Variants in MPHOSPH9 observed in about 807,000 individuals in gnomAD.
The protein encoded by MPHOSPH9 is M-phase phosphoprotein 9.
In MPHOSPH9, 88 loss-of-function variants were observed where a neutral mutation model predicts 145.5. The observed-to-expected ratio is 0.60, with a 90% CI of 0.51 to 0.72. The LOEUF (loss-of-function observed/expected upper bound fraction) is 0.72. Among genes scored for constraint, MPHOSPH9 ranks in the 30% least tolerant of loss-of-function variants. MPHOSPH9 has a pLI of 0.00. For synonymous variants in MPHOSPH9, 435 were observed against 486.2 expected (o/e 0.89, Z 1.39); for missense variants, 1,238 against 1,386.6 (o/e 0.89, Z 1.70).
Position 123,156,827 on chromosome 12 carries a change from G to A in MPHOSPH9, c.3532C>T (p.Arg1178Cys), listed in dbSNP as rs766039097. 8.1e-6 allele frequency: 13 copies of A among 1,610,916 alleles called. No individual in the cohort carries two copies. The highest frequency in any genetic ancestry group is 1.1e-5 in the South Asian group (1 of 90,830). Residue 1178 changes from arginine (R) to cysteine (C), a missense_variant, in exon 24 of 24, where the codon CGC becomes TGC. By Grantham distance (180) the Arg-to-Cys change is radical (BLOSUM62 -3). This residue lies in a region of MPHOSPH9 where 393 missense variants were observed against 462.5 expected (regional missense o/e 0.85). Transcript: ENST00000606320. ...AAATCTCAAAGATTTGCAGAGGTGC[G>A]CAAAACATGGAATTTCTTTAGCGTC... ...RMTLKKFHVL[R>C]TSANL is the part of the protein sequence containing the mutation.
Position 123,176,694 on chromosome 12 carries a change from C to G in MPHOSPH9, c.2450G>C (p.Arg817Pro). 3 of 1,611,894 alleles carry G rather than the reference C, an allele frequency of 1.9e-6. No individual in the cohort carries two copies. Among genetic ancestry groups the G allele is most frequent in the Non-Finnish European group, 2.5e-6 (3 of 1,178,192 alleles). ...AGTAAATGAAATAACTTACTTGGCA[C>G]GCGAGGGTCTCACGTGAATTCTAGA... ...HNSRIHVRPS[R>P]ANTLATSDVS... The change falls in exon 16 of 24, where the codon CGT becomes CCT. Residue 817 changes from arginine (R) to proline (P), a missense_variant. Coordinates refer to ENST00000606320, the MANE Select transcript of MPHOSPH9 (RefSeq NM_022782.4).
chr12:123,185,433 T>C (rs1354687146), intron 13 of MPHOSPH9, among the ~76,000 whole-genome samples: 1 of 151,650 alleles, frequency 6.6e-6, no homozygotes, highest in Non-Finnish European at 1.5e-5. Context: ...TAGAAAGGAA[T>C]GAGAAACATG....
intron 1 of MPHOSPH9, chr12:123,240,766 C>T (rs1317935092): frequency 8.0e-6 from 1 of 124,808 alleles, no homozygotes; most frequent in African/African-American, 3.0e-5. Context: ...AAAAGTCTCA[C>T]TCTGTACCCC....
At chr12:123,222,306 C>T (rs2047236004) in intron 4 of MPHOSPH9, among the ~76,000 whole-genome samples, 1 of 145,014 alleles carries the variant, frequency 6.9e-6, no homozygotes, top group South Asian at 2.2e-4. Context: ...GCCTGGGTGA[C>T]AGAGTGAGAC....
In MPHOSPH9 at chr12:123,154,382, C is replaced by T. The variant is rs1321279143; in HGVS notation, c.*2425G>A. The stretch of plus-strand genomic sequence containing the variant: ...TGAGTGTTCATAAGATAAGCATTAC[C>T]GAAGAGAAAGACAGCAGAAAGAACT... On this transcript the variant is annotated 3_prime_UTR_variant, in exon 24 of 24. Transcript: ENST00000606320. The T allele has an allele frequency of 1.3e-5, 2 of 151,958 alleles. No homozygotes were observed. Among genetic ancestry groups the T allele is most frequent in the African/African-American group, 4.8e-5 (2 of 41,370 alleles). 9.4% of individuals were successfully genotyped at this position (151,958 alleles called of 1,614,324 possible).
In MPHOSPH9 at chr12:123,233,109, TG is replaced by T. The variant is rs2047744910; in HGVS notation, c.-194del. On this transcript the variant is annotated 5_prime_UTR_variant, in exon 1 of 24. Coordinates refer to ENST00000606320, the MANE Select transcript of MPHOSPH9 (RefSeq NM_022782.4). The stretch of plus-strand genomic sequence containing the variant: ...GCTCCCGCTGCCGATGTCAGGGTCA[TG>T]CAAGCGGCCTCTCGCGACCGTTACC... 1.3e-5 allele frequency: 2 copies of T among 151,512 alleles called. No individual in the cohort carries two copies. The allele number at this position is 151,512 out of a possible 1,614,324, so 9.4% of individuals were successfully genotyped here.
At chr12:123,206,882 C>G (rs960723122) in intron 8 of MPHOSPH9, among the ~76,000 whole-genome samples, 2 of 150,758 alleles carry the variant, frequency 1.3e-5, no homozygotes, top group Non-Finnish European at 2.9e-5. Context: ...CCACTGCACT[C>G]CAGCCTGGCA....
Position 123,214,815 on chromosome 12 carries a change from G to A in MPHOSPH9, c.1016C>T (p.Thr339Ile). ...ACTGAGGTAAAAAGCACGAGGATGT[G>A]TAGCAGCAGCAAAATCAGACTACAA... ...PIEKSDFAAA[T>I]HPRAFYLSKP... The change falls in exon 7 of 24, where the codon ACA (threonine) becomes ATA (isoleucine). Residue 339 changes from threonine (T) to isoleucine (I), a missense_variant. Around this residue, in one of 3 missense-constraint regions of MPHOSPH9, gnomAD observed 837 missense variants for 897.5 expected, o/e 0.93. Transcript: ENST00000606320. 6.2e-7 allele frequency: 1 copy of A among 1,613,244 alleles called. No homozygotes were observed. The highest frequency in any genetic ancestry group is 2.2e-5 in the East Asian group (1 of 44,866).
chr12:123,217,373 T>C (rs2047013938), intron 6 of MPHOSPH9, among the ~76,000 whole-genome samples: 1 of 151,998 alleles, frequency 6.6e-6, no homozygotes, highest in Admixed American at 6.6e-5. Flanking sequence ...AAGTTTTGTA[T>C]TTTTAGTTAG....
chr12:123,158,835 C>T (rs1158072313), intron 23 of MPHOSPH9, among the ~76,000 whole-genome samples: 1 of 152,134 alleles, frequency 6.6e-6, no homozygotes, highest in Non-Finnish European at 1.5e-5. Flanking sequence ...TTCACCACAT[C>T]GGCCAGGCCG....
In MPHOSPH9 at chr12:123,221,638, A is replaced by G. The variant is rs1485728529; in HGVS notation, c.606T>C (p.Phe202=). The change falls in exon 5 of 24, where the codon TTT becomes TTC. Residue 202 remains phenylalanine, a synonymous_variant. Transcript: ENST00000606320. The stretch of plus-strand genomic sequence containing the variant: ...TGTACAGATTTAATTCTGAGATACA[A>G]AAGGTGCCATATCCACTGCTTACTG... ...SCSVSSGYGT[F]CISELNLYKS... is the part of the protein sequence containing the mutation. 6.2e-7 allele frequency: 1 copy of G among 1,614,186 alleles called. No homozygotes were observed. The highest frequency in any genetic ancestry group is 8.5e-7 in the Non-Finnish European group (1 of 1,180,030).
chr12:123,159,084 C>T lies in MPHOSPH9; in HGVS notation c.3450+1697G>A, dbSNP rs1489641364. ...CCAGCCTGGTGACACAGCGAGACTCCGTCTCCAAACTAGATAAATAAAAGA... is the reference window on the plus strand; with the variant it reads ...CCAGCCTGGTGACACAGCGAGACTCTGTCTCCAAACTAGATAAATAAAAGA... On this transcript the variant is annotated intron_variant, in intron 23 of 23. Coordinates refer to ENST00000606320, the MANE Select transcript of MPHOSPH9 (RefSeq NM_022782.4). The surrounding 1 kb of genome is among the most constrained non-coding windows in gnomAD (Gnocchi z 4.3). Among the ~76,000 whole-genome samples, 1 of 152,168 alleles carries T rather than the reference C, an allele frequency of 6.6e-6. No homozygotes were observed. Among genetic ancestry groups the T allele is most frequent in the African/African-American group, 2.4e-5 (1 of 41,448 alleles).
Position 123,207,443 on chromosome 12 carries a change from C to T in MPHOSPH9, c.1194+2613G>A, listed in dbSNP as rs1440756567. Among the ~76,000 whole-genome samples the T allele has an allele frequency of 2.6e-5, 4 of 152,274 alleles. No homozygotes were observed. In the South Asian group the frequency reaches 8.3e-4, roughly 32 times the overall value. On this transcript the variant is annotated intron_variant, in intron 8 of 23. Coordinates refer to ENST00000606320, the MANE Select transcript of MPHOSPH9 (RefSeq NM_022782.4). Reference sequence around the variant, plus strand: ...GGTTTCCGTCACTGAGACTCTGATGCTTACAAGTACATTGCCCCATCTGTC... The same window carrying T: ...GGTTTCCGTCACTGAGACTCTGATGTTTACAAGTACATTGCCCCATCTGTC...
rs367751856 is a variant in MPHOSPH9 at position 123,202,611 on chromosome 12, C to T, written c.1781+13G>A. The T allele has an allele frequency of 1.9e-6, 3 of 1,599,100 alleles. No individual in the cohort carries two copies. Among genetic ancestry groups the T allele is most frequent in the African/African-American group, 2.7e-5 (2 of 74,564 alleles). ...ATCTATTAACATTACAAGCCATTCA[C>T]TGAAATACATACTTAGACAATATCA... On this transcript the variant is annotated intron_variant, in intron 10 of 23. Transcript: ENST00000606320.
chr12:123,168,177 C>T, intron 16 of MPHOSPH9, among the ~76,000 whole-genome samples: 1 of 152,058 alleles, frequency 6.6e-6, no homozygotes, highest in East Asian at 1.9e-4. Flanking sequence ...TTTCACCACA[C>T]CTGACTGGCA....
chr12:123,223,138 A>C lies in MPHOSPH9; in HGVS notation c.259-11T>G. 1 of 1,333,488 alleles carries C rather than the reference A, an allele frequency of 7.5e-7. No homozygotes were observed. The highest frequency in any genetic ancestry group is 9.6e-7 in the Non-Finnish European group (1 of 1,039,468). 82.6% of individuals were successfully genotyped at this position (1,333,488 alleles called of 1,614,324 possible). ...CTGTAACCACCTGGTCTATTAAATTATAAAATATTTTAGTTAAAAATAATT... is the reference window on the plus strand; with the variant it reads ...CTGTAACCACCTGGTCTATTAAATTCTAAAATATTTTAGTTAAAAATAATT... On this transcript the variant is annotated splice_polypyrimidine_tract_variant and intron_variant, in intron 3 of 23. Coordinates refer to ENST00000606320, the MANE Select transcript of MPHOSPH9 (RefSeq NM_022782.4).
chr12:123,160,469 T>A (rs2137864356), intron 23 of MPHOSPH9: 2 of 270,698 alleles, frequency 7.4e-6, no homozygotes, highest in East Asian at 1.5e-4. Context: ...AGGCAATCTG[T>A]GAGCACTAAC....
In MPHOSPH9 at chr12:123,154,323, T is replaced by C. The variant is rs889736228; in HGVS notation, c.*2484A>G. ...TAATAGCTGCTATTTAGAATTGCCA[T>C]CTTTCCTGCTTTTAGGTGGAGTGTT... On this transcript the variant is annotated 3_prime_UTR_variant, in exon 24 of 24. Transcript: ENST00000606320. 1 of 151,870 alleles carries C rather than the reference T, an allele frequency of 6.6e-6. No homozygotes were observed. Among genetic ancestry groups the C allele is most frequent in the African/African-American group, 2.4e-5 (1 of 41,358 alleles). 9.4% of individuals were successfully genotyped at this position (151,870 alleles called of 1,614,324 possible).
chr12:123,208,090 T>A (rs2046522352), intron 8 of MPHOSPH9, among the ~76,000 whole-genome samples: 1 of 146,952 alleles, frequency 6.8e-6, no homozygotes, highest in African/African-American at 2.5e-5. Context: ...TGGTGGCGCA[T>A]GCCCATAATC....
Sources: allele counts gnomAD v4.1 joint callset (sites outside exome capture counted in the v4.1 genomes callset), GRCh38; gene constraint gnomAD v4.1.1; regional missense constraint gnomAD v4.1.1; non-coding constraint Gnocchi (gnomAD v3.1); transcripts MANE v1.5; gene names NCBI Gene and HGNC (gene_info 2026-07-23, HGNC 2026-07-21).